Variants in TAFA5 observed in about 807,000 individuals in gnomAD.
TAFA5 encodes the protein chemokine-like protein TAFA-5.
TAFA5 carries 6 observed loss-of-function variants against 15.3 expected under a neutral mutation model. The ratio of observed to expected loss-of-function variants is 0.39; its 90% CI spans 0.21 to 0.77. TAFA5 has a LOEUF of 0.77. TAFA5 is among the 30% of genes least tolerant of loss of function. The pLI is 0.41. For synonymous variants in TAFA5, 103 were observed against 80.7 expected (o/e 1.28, Z -1.48); for missense variants, 161 against 193.1 (o/e 0.83, Z 0.98).
intron 1 of TAFA5, among the ~76,000 whole-genome samples, chr22:48,612,664 C>T (rs1224045363): frequency 5.3e-5 from 8 of 152,178 alleles, no homozygotes; most frequent in Non-Finnish European, 7.3e-5. Flanking sequence ...TCCCTTTCCC[C>T]GAGTGTCTGC....
rs544567913 is a variant in TAFA5 at position 48,643,193 on chromosome 22, C to T, written c.113-3404C>T. The stretch of plus-strand genomic sequence containing the variant: ...GCCATGTGGATCTCAGATGCACGGC[C>T]TCCAGCGCCATGGGATAAGAACGTG... On this transcript the variant is annotated intron_variant, in intron 1 of 3. Transcript: ENST00000402357. 3.9e-5 allele frequency among the ~76,000 whole-genome samples: 6 copies of T among 152,334 alleles called. No individual in the cohort carries two copies. In the East Asian group the frequency reaches 1.2e-3, roughly 29 times the overall value.
intron 1 of TAFA5, among the ~76,000 whole-genome samples, chr22:48,618,232 C>T (rs1400962468): frequency 1.3e-5 from 2 of 152,160 alleles, no homozygotes; most frequent in East Asian, 1.9e-4. Context: ...CTGCCCCAGT[C>T]CCCCACAGGC....
chr22:48,531,525 CAT>C (rs1053253536), intron 1 of TAFA5, among the ~76,000 whole-genome samples: 1 of 152,212 alleles, frequency 6.6e-6, no homozygotes, highest in African/African-American at 2.4e-5. Flanking sequence ...GTGCAGTCGA[CAT>C]GTGGGTTACT....
At chr22:48,727,008 A>G (rs1267380453) in intron 3 of TAFA5, among the ~76,000 whole-genome samples, 1 of 152,210 alleles carries the variant, frequency 6.6e-6, no homozygotes, top group Non-Finnish European at 1.5e-5. Flanking sequence ...CTCTCAGGGT[A>G]TGCTTAAATT....
In TAFA5 at chr22:48,642,744, T is replaced by G. The variant is rs946842079; in HGVS notation, c.113-3853T>G. On this transcript the variant is annotated intron_variant, in intron 1 of 3. Transcript: ENST00000402357. ...CTGACCCATGTGTGTGGGTTGTGTG[T>G]GGGCACGTGTTTGGTCAGTGTGTGG... is the stretch of plus-strand genomic sequence containing the variant. Among the ~76,000 whole-genome samples, 11 of 152,258 alleles carry G rather than the reference T, an allele frequency of 7.2e-5. No homozygotes were observed. In the South Asian group the frequency reaches 2.3e-3, roughly 32 times the overall value.
At chr22:48,549,969 T>C (rs1334516529) in intron 1 of TAFA5, among the ~76,000 whole-genome samples, 1 of 152,218 alleles carries the variant, frequency 6.6e-6, no homozygotes, top group East Asian at 1.9e-4. Flanking sequence ...CTTGCAATGA[T>C]GCACTCATCC....
intron 2 of TAFA5, among the ~76,000 whole-genome samples, chr22:48,654,375 C>T (rs1030404550): frequency 6.6e-6 from 1 of 152,214 alleles, no homozygotes; most frequent in Non-Finnish European, 1.5e-5. Context: ...TGGGATGCAT[C>T]GTCCACGGGC....
chr22:48,719,817 C>G (rs1378611781), intron 3 of TAFA5, among the ~76,000 whole-genome samples: 1 of 152,198 alleles, frequency 6.6e-6, no homozygotes, highest in African/African-American at 2.4e-5. Context: ...TTAATAGATT[C>G]TGTGTGTAAA....
chr22:48,625,608 C>T (rs1373941676), intron 1 of TAFA5, among the ~76,000 whole-genome samples: 2 of 152,222 alleles, frequency 1.3e-5, no homozygotes. Context: ...CTCCTTTTCT[C>T]CCCAGCTCCC....
intron 2 of TAFA5, among the ~76,000 whole-genome samples, chr22:48,668,427 G>A (rs1485636621): frequency 1.8e-4 from 5 of 27,972 alleles, no homozygotes; most frequent in Admixed American, 1.4e-3. Context: ...TTTTCACTGG[G>A]AGCTGTAATC....
intron 1 of TAFA5, among the ~76,000 whole-genome samples, chr22:48,559,266 C>G (rs1923145309): frequency 2.6e-5 from 4 of 152,230 alleles, no homozygotes. Context: ...ATTTTGGGAC[C>G]CATGGCGGTC....
chr22:48,581,263 C>A (rs186262649), intron 1 of TAFA5, among the ~76,000 whole-genome samples: 66 of 152,294 alleles, frequency 4.3e-4, no homozygotes, highest in African/African-American at 1.6e-3. Context: ...ACAGGAGTCC[C>A]AGCCTCCCAG....
chr22:48,579,131 C>T (rs563735731), intron 1 of TAFA5, among the ~76,000 whole-genome samples: 4,572 of 113,084 alleles, frequency 0.04, 241 homozygotes, highest in African/African-American at 0.12. Flanking sequence ...CTAATCCGTC[C>T]CCCCCTGGCC....
At chr22:48,592,367 T>C (rs1227236628) in intron 1 of TAFA5, among the ~76,000 whole-genome samples, 6 of 152,246 alleles carry the variant, frequency 3.9e-5, no homozygotes, top group Non-Finnish European at 7.3e-5. Context: ...CCCTGTCTGC[T>C]GCCCTGCACG....
chr22:48,597,684 G>A (rs144113898), intron 1 of TAFA5, among the ~76,000 whole-genome samples: 202 of 152,356 alleles, frequency 1.3e-3, no homozygotes, highest in African/African-American at 4.7e-3. Context: ...CTCAGCTTCC[G>A]GTTCTTGGCT....
chr22:48,689,395 A>G (rs1395802452), intron 2 of TAFA5, among the ~76,000 whole-genome samples: 1 of 152,086 alleles, frequency 6.6e-6, no homozygotes, highest in Non-Finnish European at 1.5e-5. Context: ...GAGTTCTGAG[A>G]GGGATTTAGC....
intron 2 of TAFA5, among the ~76,000 whole-genome samples, chr22:48,670,021 G>A (rs1172241334): frequency 2.0e-5 from 3 of 152,192 alleles, no homozygotes; most frequent in African/African-American, 7.2e-5. Flanking sequence ...CAAGCAGCTT[G>A]TCTCAGCCAT....
chr22:48,613,626 A>G (rs1925491700), intron 1 of TAFA5, among the ~76,000 whole-genome samples: 1 of 151,994 alleles, frequency 6.6e-6, no homozygotes, highest in Non-Finnish European at 1.5e-5. Flanking sequence ...TTCCATCTCC[A>G]TTGAGTGTTT....
chr22:48,565,956 G>A (rs1215599474), intron 1 of TAFA5, among the ~76,000 whole-genome samples: 2 of 152,070 alleles, frequency 1.3e-5, no homozygotes, highest in East Asian at 3.9e-4. Context: ...GAATAGATGT[G>A]CAGCTGGGTG....
Sources: gnomAD v4.1 joint callset for allele counts (sites outside exome capture counted in the v4.1 genomes callset) on GRCh38, gnomAD v4.1.1 for gene constraint, MANE v1.5 for transcripts, NCBI Gene and HGNC (gene_info 2026-07-23, HGNC 2026-07-21) for gene names.